TNS3: variants seen among roughly 807,000 people sequenced by gnomAD.
The protein encoded by TNS3 is tensin 3, also known as tensin-3.
Under a neutral mutation model 140.9 loss-of-function variants are expected in TNS3, and 45 were observed. The observed-to-expected ratio is 0.32, with a 90% confidence interval of 0.25 to 0.41. The LOEUF (loss-of-function observed/expected upper bound fraction) is 0.41, where lower values mean the gene tolerates loss of function less well. TNS3 is among the 10% of genes least tolerant of loss of function. The pLI is 1.00. For missense variants in TNS3, 1,716 were observed against 1,906.7 expected (o/e 0.90, Z 1.86); for synonymous variants, 815 against 788.4 (o/e 1.03, Z -0.56).
At chr7:47,581,827 C>T (rs969100426) in intron 1 of TNS3, among the ~76,000 whole-genome samples, 5 of 151,752 alleles carry the variant, frequency 3.3e-5, no homozygotes, top group Non-Finnish European at 7.4e-5. Context: ...CGCTCCCTAA[C>T]CTGGGTTCTC....
chr7:47,302,856 C>G, intron 22 of TNS3, 94 bp downstream of exon 22: 1 of 1,486,786 alleles, frequency 6.7e-7, no homozygotes, highest in Non-Finnish European at 9.0e-7. Flanking sequence ...CAGCCCAGCA[C>G]TAGAGATATG....
At chr7:47,305,897 T>A (rs1047561874) in intron 20 of TNS3, among the ~76,000 whole-genome samples, 8 of 152,350 alleles carry the variant, frequency 5.3e-5, no homozygotes, top group Non-Finnish European at 1.0e-4. Context: ...TGAGGATTGA[T>A]AAGAGAATAT....
chr7:47,350,067 C>G (rs537289961), intron 17 of TNS3, among the ~76,000 whole-genome samples: 1 of 152,326 alleles, frequency 6.6e-6, no homozygotes, highest in South Asian at 2.1e-4. Context: ...CAACTCTATT[C>G]CTCTGTGGTC....
Position 47,295,440 on chromosome 7 carries a change from T to C in TNS3, c.3677-1612A>G, listed in dbSNP as rs78407491. Among the ~76,000 whole-genome samples the C allele has an allele frequency of 5.7e-3, 862 of 152,272 alleles. 10 individuals are homozygous for C. Among genetic ancestry groups the C allele is most frequent in the African/African-American group, 0.02 (830 of 41,550 alleles). ...GGTCCTGCGACCCTCTTTCCTGCCATCATCATTATTCAGTTTCAGTCCTCA... is the reference window on the plus strand; with the variant it reads ...GGTCCTGCGACCCTCTTTCCTGCCACCATCATTATTCAGTTTCAGTCCTCA... On this transcript the variant is annotated intron_variant, in intron 24 of 30. Coordinates refer to ENST00000311160, the MANE Select transcript of TNS3 (RefSeq NM_022748.12).
intron 8 of TNS3, among the ~76,000 whole-genome samples, chr7:47,433,375 A>G (rs1795017889): frequency 6.6e-6 from 1 of 152,230 alleles, no homozygotes. Flanking sequence ...ATGGCACCAG[A>G]AGAGGGCAAG....
chr7:47,295,703 C>A (rs1228817023), intron 24 of TNS3, among the ~76,000 whole-genome samples: 1 of 152,100 alleles, frequency 6.6e-6, no homozygotes, highest in Admixed American at 6.6e-5. Flanking sequence ...AGCCTCACTC[C>A]CCACCCCTTC....
chr7:47,371,397 G>A (rs1252685611), intron 16 of TNS3, among the ~76,000 whole-genome samples: 1 of 152,180 alleles, frequency 6.6e-6, no homozygotes, highest in East Asian at 1.9e-4. Context: ...TAAATAACTT[G>A]CCCAAGGTCA....
intron 24 of TNS3, among the ~76,000 whole-genome samples, chr7:47,294,165 T>A (rs866177378): frequency 0.012 from 1,752 of 152,272 alleles, 17 homozygotes; most frequent in African/African-American, 0.026. Flanking sequence ...AAGAGGATCA[T>A]GAATCTCCAG....
chr7:47,387,405 G>A (rs781336438), intron 16 of TNS3, among the ~76,000 whole-genome samples: 14 of 152,298 alleles, frequency 9.2e-5, no homozygotes, highest in African/African-American at 3.1e-4. Flanking sequence ...CACCAAGAAC[G>A]TCACTCTAAA....
rs534111816 is a variant in TNS3, at chr7:47,300,222, G to A, written c.3544+1964C>T. On this transcript the variant is annotated intron_variant, in intron 23 of 30. Transcript: ENST00000311160. ...ACCCAAGGGCAGCCTTCCGCTGTTT[G>A]GAGACTCTGACACGGGCAGTAGAAG... Among the ~76,000 whole-genome samples the A allele has an allele frequency of 5.3e-5, 8 of 152,252 alleles. No homozygotes were observed. The East Asian group carries it at 1.5e-3, about 29-fold the overall frequency.
intron 16 of TNS3, among the ~76,000 whole-genome samples, chr7:47,395,633 G>A (rs1792785475): frequency 6.6e-6 from 1 of 152,138 alleles, no homozygotes; most frequent in African/African-American, 2.4e-5. Flanking sequence ...TAACGTGCTG[G>A]TTATCTGGAA....
chr7:47,323,097 G>A (rs1030979136), intron 20 of TNS3, among the ~76,000 whole-genome samples: 8 of 152,166 alleles, frequency 5.3e-5, no homozygotes, highest in Admixed American at 1.3e-4. Context: ...TGGAGGTACC[G>A]CTCCTCGAGG....
chr7:47,369,035 G>A lies in TNS3; in HGVS notation c.1611C>T (p.Leu537=), dbSNP rs780841276. 6.2e-6 allele frequency: 10 copies of A among 1,613,922 alleles called. No homozygotes were observed. The highest frequency in any genetic ancestry group is 2.2e-5 in the South Asian group (2 of 91,088). The change falls in exon 17 of 31, where the codon CTC becomes CTT. Residue 537 remains leucine, a synonymous_variant. Transcript: ENST00000311160. ...SNVGEDPQGT[L]VPDLGLGMDG... ...CCATGCCAAGGCCCAGGTCCGGAACGAGGGTGCCCTGCGGATCTTCACCAA... is the reference window on the plus strand; with the variant it reads ...CCATGCCAAGGCCCAGGTCCGGAACAAGGGTGCCCTGCGGATCTTCACCAA...
chr7:47,373,375 A>T (rs1791191620), intron 16 of TNS3, among the ~76,000 whole-genome samples: 1 of 152,244 alleles, frequency 6.6e-6, no homozygotes, highest in Admixed American at 6.5e-5. Flanking sequence ...TATGAGAACT[A>T]GAGAATATGG....
At chr7:47,479,934 A>G (rs549351707) in intron 4 of TNS3, among the ~76,000 whole-genome samples, 15 of 152,088 alleles carry the variant, frequency 9.9e-5, no homozygotes, top group Admixed American at 4.6e-4. Context: ...TGATGAGGTT[A>G]GAGAGCCACC....
intron 9 of TNS3, among the ~76,000 whole-genome samples, chr7:47,426,264 AGAGT>A (rs1366868519): frequency 1.3e-5 from 2 of 152,224 alleles, no homozygotes; most frequent in Admixed American, 1.3e-4. Flanking sequence ...CCCCGGCAAC[AGAGT>A]GAGACTCTGT....
chr7:47,406,933 G>T (rs1202110777), intron 13 of TNS3, among the ~76,000 whole-genome samples: 11 of 152,260 alleles, frequency 7.2e-5, no homozygotes. Context: ...ATGGCAGAGT[G>T]GGTCACTGGA....
chr7:47,515,587 C>T (rs1798753711), intron 2 of TNS3, among the ~76,000 whole-genome samples: 1 of 151,948 alleles, frequency 6.6e-6, no homozygotes, highest in South Asian at 2.1e-4. Context: ...TACACCATCA[C>T]CACTCACCAT....
chr7:47,440,308 T>C (rs1415899684), intron 5 of TNS3, among the ~76,000 whole-genome samples: 2 of 152,060 alleles, frequency 1.3e-5, no homozygotes. Context: ...GCCTTTCATC[T>C]ACTGAGTAGC....
Sources: allele counts gnomAD v4.1 joint callset (sites outside exome capture counted in the v4.1 genomes callset), GRCh38; gene constraint gnomAD v4.1.1; transcripts MANE v1.5; gene names NCBI Gene and HGNC (gene_info 2026-07-23, HGNC 2026-07-21).